The following XNDC1N variants were observed in gnomAD, a reference collection of about 807,000 sequenced individuals.
XNDC1N encodes protein XNDC1N.
At chr11:71,921,807 A>T in the XNDC1N span, among the ~76,000 whole-genome samples, 5 of 152,254 alleles carry the variant, frequency 3.3e-5, no homozygotes. Flanking sequence ...TCTAAAGAGT[A>T]CAGTGGAAAA....
chr11:71,894,342 C>A, the XNDC1N span: 6 of 385,390 alleles, frequency 1.6e-5, no homozygotes, highest in Admixed American at 3.2e-5. Context: ...TCATCTACAG[C>A]CTGAGAAACA....
chr11:71,874,563 T>C, the XNDC1N span, among the ~76,000 whole-genome samples: 1 of 152,174 alleles, frequency 6.6e-6, no homozygotes, highest in African/African-American at 2.4e-5. Flanking sequence ...TTGAGTTGCT[T>C]ATTAGACATC....
the XNDC1N span, among the ~76,000 whole-genome samples, chr11:71,887,240 C>A: frequency 6.6e-6 from 1 of 152,156 alleles, no homozygotes; most frequent in Non-Finnish European, 1.5e-5. Context: ...ATCGGAGCCA[C>A]GGGGGTTTCA....
the XNDC1N span, chr11:71,884,359 A>G: frequency 6.7e-7 from 1 of 1,482,036 alleles, no homozygotes; most frequent in Non-Finnish European, 9.0e-7. Context: ...ATTTAAACAT[A>G]AAAAGTAAGT....
the XNDC1N span, among the ~76,000 whole-genome samples, chr11:71,872,231 G>T: frequency 9.5e-4 from 144 of 152,286 alleles, no homozygotes; most frequent in Non-Finnish European, 1.9e-3. Context: ...GACAGCTTTT[G>T]TCTGCAACCT....
At chr11:71,912,678 G>T in the XNDC1N span, among the ~76,000 whole-genome samples, 1 of 152,032 alleles carries the variant, frequency 6.6e-6, no homozygotes, top group Non-Finnish European at 1.5e-5. Flanking sequence ...CGTAGGCGTG[G>T]GGGATGAACA....
the XNDC1N span, chr11:71,893,709 T>G: frequency 9.0e-4 from 1,190 of 1,316,070 alleles, 8 homozygotes; most frequent in African/African-American, 0.016. Flanking sequence ...CGGTTCCCAA[T>G]ATGATTGTGG....
chr11:71,903,419 G>C, the XNDC1N span: 4 of 1,231,242 alleles, frequency 3.2e-6, no homozygotes, highest in South Asian at 3.6e-5. Context: ...ACCTCCACAC[G>C]GTCCCCAAGA....
the XNDC1N span, among the ~76,000 whole-genome samples, chr11:71,871,484 T>C: frequency 0.015 from 2,240 of 149,260 alleles, no homozygotes; most frequent in African/African-American, 0.048. Context: ...TAGTAAAAAA[T>C]GTATTATACA....
At chr11:71,869,056 T>A in the XNDC1N span, among the ~76,000 whole-genome samples, 1 of 152,142 alleles carries the variant, frequency 6.6e-6, no homozygotes, top group Non-Finnish European at 1.5e-5. Flanking sequence ...GGTCTATTTT[T>A]TTATTATTAT....
At chr11:71,887,137 G>C in the XNDC1N span, among the ~76,000 whole-genome samples, 1 of 152,194 alleles carries the variant, frequency 6.6e-6, no homozygotes, top group Non-Finnish European at 1.5e-5. Context: ...GACAGTCGGG[G>C]GTGGAGACAT....
the XNDC1N span, among the ~76,000 whole-genome samples, chr11:71,896,959 G>T: frequency 6.6e-6 from 1 of 152,182 alleles, no homozygotes; most frequent in Non-Finnish European, 1.5e-5. Context: ...TTTCACGAGT[G>T]CTAAGAAAGC....
chr11:71,923,292 C>G, the XNDC1N span: 2 of 702,604 alleles, frequency 2.8e-6, no homozygotes, highest in Non-Finnish European at 5.2e-6. Context: ...ACAAATCATG[C>G]CTGCTGATTA....
chr11:71,888,506 G>A, the XNDC1N span, among the ~76,000 whole-genome samples: 711 of 152,278 alleles, frequency 4.7e-3, 6 homozygotes, highest in African/African-American at 0.016. Context: ...GGGGCTACCC[G>A]ATCTAACAAA....
the XNDC1N span, among the ~76,000 whole-genome samples, chr11:71,882,213 T>TAA: frequency 7.0e-3 from 1,004 of 143,756 alleles, 14 homozygotes; most frequent in African/African-American, 0.024. Context: ...TTTAAAATGT[T>TAA]AAAAAAAAAA....
chr11:71,898,259 G>A, the XNDC1N span, among the ~76,000 whole-genome samples: 4 of 151,738 alleles, frequency 2.6e-5, no homozygotes, highest in South Asian at 6.3e-4. Flanking sequence ...GACGCAGGCC[G>A]CAACATGGAT....
At chr11:71,921,797 T>A in the XNDC1N span, among the ~76,000 whole-genome samples, 1 of 152,158 alleles carries the variant, frequency 6.6e-6, no homozygotes, top group East Asian at 1.9e-4. Context: ...GAAGTGGATC[T>A]CTAAAGAGTA....
the XNDC1N span, among the ~76,000 whole-genome samples, chr11:71,885,549 C>T: frequency 6.6e-5 from 10 of 152,052 alleles, 1 homozygote; most frequent in Admixed American, 6.5e-4. Context: ...AGATTATATT[C>T]GGATCAATAT....
At chr11:71,879,983 A>G in the XNDC1N span, among the ~76,000 whole-genome samples, 5 of 152,182 alleles carry the variant, frequency 3.3e-5, no homozygotes, top group Non-Finnish European at 7.4e-5. Context: ...TACTCACTAA[A>G]TGGAACACTC....
Sources: allele counts gnomAD v4.1 joint callset (sites outside exome capture counted in the v4.1 genomes callset), GRCh38; gene constraint gnomAD v4.1.1; transcripts MANE v1.5; gene names NCBI Gene and HGNC (gene_info 2026-07-23, HGNC 2026-07-21).